The following GTPBP1 variants were observed in gnomAD, a reference collection of about 807,000 sequenced individuals.
The protein encoded by GTPBP1 is GTP-binding protein 1.
In GTPBP1, 23 loss-of-function variants were observed where a neutral mutation model predicts 62.0. The observed-to-expected ratio is 0.37, with a 90% CI of 0.27 to 0.53. The LOEUF is 0.53. Among genes scored for constraint, GTPBP1 ranks in the 20% least tolerant of loss-of-function variants. The pLI, the probability that GTPBP1 is intolerant of heterozygous loss-of-function variation, is 0.89. For missense variants in GTPBP1, 640 were observed against 917.3 expected (o/e 0.70, Z 3.90); for synonymous variants, 344 against 364.4 (o/e 0.94, Z 0.64).
chr22:38,719,626 T>A (rs888927497), intron 4 of GTPBP1, among the ~76,000 whole-genome samples: 1 of 151,036 alleles, frequency 6.6e-6, no homozygotes, highest in African/African-American at 2.4e-5. Flanking sequence ...ATGTTTAGTT[T>A]GGTTTTTTTT....
At chr22:38,710,496 G>C (rs1224842178) in intron 2 of GTPBP1, among the ~76,000 whole-genome samples, 1 of 152,052 alleles carries the variant, frequency 6.6e-6, no homozygotes, top group Non-Finnish European at 1.5e-5. Flanking sequence ...CTAGTTGCGG[G>C]TCTTACCACC....
downstream of GTPBP1, chr22:38,739,472 G>A (rs1200784798): frequency 6.3e-7 from 1 of 1,598,230 alleles, no homozygotes; most frequent in Non-Finnish European, 8.6e-7. This position sits in a 1 kb window ranked among gnomAD's most constrained non-coding sequence, Gnocchi z 6.7. Context: ...GAGCAGACGT[G>A]TCCCCCTGTC....
At chr22:38,720,719 T>C (rs1487015292) in intron 4 of GTPBP1, among the ~76,000 whole-genome samples, 1 of 152,244 alleles carries the variant, frequency 6.6e-6, no homozygotes, top group African/African-American at 2.4e-5. Context: ...TTATTGTTAC[T>C]GGAAGGATAG....
intron 10 of GTPBP1, 22 bp from the exon 11 acceptor site, chr22:38,729,440 C>T (rs2092744303): frequency 1.3e-6 from 2 of 1,565,506 alleles, no homozygotes; most frequent in East Asian, 4.8e-5. Flanking sequence ...CCAGCCTCAG[C>T]CTCTCTCCAT....
intron 1 of GTPBP1, among the ~76,000 whole-genome samples, chr22:38,707,700 T>C (rs1436444682): frequency 6.6e-6 from 1 of 152,214 alleles, no homozygotes; most frequent in African/African-American, 2.4e-5. Context: ...GGTAGTACCT[T>C]CATTTCTTGA....
chr22:38,716,993 T>C lies in GTPBP1; in HGVS notation c.827T>C (p.Met276Thr). The C allele has an allele frequency of 6.2e-7, 1 of 1,603,516 alleles. No individual in the cohort carries two copies. Among genetic ancestry groups the C allele is most frequent in the Admixed American group, 1.7e-5 (1 of 59,914 alleles). Residue 276 changes from methionine (M) to threonine (T), a missense_variant, in exon 4 of 12, where the codon ATG (methionine) becomes ACG (threonine). Met to Thr is a moderately conservative substitution (Grantham distance 81). This residue lies in a region of GTPBP1 where 88 missense variants were observed against 217.0 expected (regional missense o/e 0.41). Transcript: ENST00000216044. The surrounding 1 kb of genome is among the most constrained non-coding windows in gnomAD (Gnocchi z 5.2). ...ACAGGCCATCTGCCTGACTTCTGCA[T>C]GCTCATGGTGAGTGGGAGGCGCCCC... The part of the protein sequence containing the change: ...GMTGHLPDFC[M>T]LMVGSNAGIV...
At chr22:38,709,813 C>G (rs976840246) in intron 2 of GTPBP1, among the ~76,000 whole-genome samples, 2 of 152,202 alleles carry the variant, frequency 1.3e-5, no homozygotes, top group African/African-American at 4.8e-5. Context: ...CCCACTGGAT[C>G]CTGTCAGACA....
chr22:38,716,143 G>A lies in GTPBP1; in HGVS notation c.485+56G>A. The A allele has an allele frequency of 2.8e-6, 4 of 1,405,228 alleles. No homozygotes were observed. The highest frequency in any genetic ancestry group is 1.8e-4 in the Middle Eastern group (1 of 5,448). The allele number at this position is 1,405,228 out of a possible 1,614,324, so 87.0% of individuals were successfully genotyped here. On this transcript the variant is annotated intron_variant, in intron 3 of 11. Transcript: ENST00000216044. This position sits in a 1 kb window ranked among gnomAD's most constrained non-coding sequence, Gnocchi z 5.2. The stretch of plus-strand genomic sequence containing the variant: ...CCATTCTTCACAGAGGTTGGTGACT[G>A]AGCCTGTGGCACTTGGCGTGTCAGC...
chr22:38,706,472 T>G, intron 1 of GTPBP1: 2 of 212,610 alleles, frequency 9.4e-6, no homozygotes, highest in Admixed American at 5.9e-5. Flanking sequence ...GCGCGTTCCC[T>G]GTCCCCGCTC....
chr22:38,733,939 TG>T (rs2092779255), downstream of GTPBP1, among the ~76,000 whole-genome samples: 2 of 152,158 alleles, frequency 1.3e-5, no homozygotes, highest in Admixed American at 1.3e-4. Flanking sequence ...TGTTTATTGG[TG>T]CTGCGTGGGG....
At chr22:38,741,794 G>T (rs1036481208), downstream of GTPBP1, among the ~76,000 whole-genome samples, 1 of 152,188 alleles carries the variant, frequency 6.6e-6, no homozygotes, top group African/African-American at 2.4e-5. Context: ...GCTCACTATG[G>T]GGGTGGGGGA....
chr22:38,725,979 T>C, intron 6 of GTPBP1, 27 bp from the exon 7 acceptor site: 2 of 1,611,396 alleles, frequency 1.2e-6, no homozygotes, highest in Non-Finnish European at 1.7e-6. Flanking sequence ...TCTCTCCTTT[T>C]TTCCTTCCTC....
chr22:38,720,343 C>G (rs781477911), intron 4 of GTPBP1, among the ~76,000 whole-genome samples: 3 of 152,128 alleles, frequency 2.0e-5, no homozygotes, highest in Non-Finnish European at 4.4e-5. Flanking sequence ...CCTCAGCCTC[C>G]TGAGTAGCTG....
At chr22:38,724,195 G>A in intron 5 of GTPBP1, 102 bp from the exon 6 acceptor site, 1 of 712,644 alleles carries the variant, frequency 1.4e-6, no homozygotes, top group Non-Finnish European at 2.6e-6. Flanking sequence ...CTATCTGTCT[G>A]TCTCCTGCTT....
At chr22:38,714,478 C>CAAAAAAA (rs34257833) in intron 2 of GTPBP1, among the ~76,000 whole-genome samples, 558 of 46,284 alleles carry the variant, frequency 0.012, 20 homozygotes, top group African/African-American at 0.037. Flanking sequence ...GACTCCATCT[C>CAAAAAAA]AAAAAAAAAA....
downstream of GTPBP1, chr22:38,741,362 G>A: frequency 3.2e-6 from 3 of 936,866 alleles, no homozygotes; most frequent in South Asian, 1.5e-5. Flanking sequence ...AAACAGAGAA[G>A]TCAGAGGAGG....
At chr22:38,706,616 T>G in intron 1 of GTPBP1, 1 of 156,582 alleles carries the variant, frequency 6.4e-6, no homozygotes, top group African/African-American at 2.4e-5. Context: ...TGAAGACAGG[T>G]AGTCGGAGGC....
intron 4 of GTPBP1, among the ~76,000 whole-genome samples, chr22:38,720,079 C>T (rs2092691852): frequency 1.3e-5 from 2 of 151,936 alleles, no homozygotes. Context: ...CAGGCGCCCG[C>T]CACGATGCCC....
chr22:38,737,862 G>C, downstream of GTPBP1: 1 of 569,560 alleles, frequency 1.8e-6, no homozygotes, highest in South Asian at 1.5e-5. The surrounding 1 kb of genome is among the most constrained non-coding windows in gnomAD (Gnocchi z 4.1). Context: ...ATGTGCTGGC[G>C]GCGGCTCCTC....
Sources: allele counts gnomAD v4.1 joint callset (sites outside exome capture counted in the v4.1 genomes callset), GRCh38; gene constraint gnomAD v4.1.1; regional missense constraint gnomAD v4.1.1; non-coding constraint Gnocchi (gnomAD v3.1); transcripts MANE v1.5; gene names NCBI Gene and HGNC (gene_info 2026-07-23, HGNC 2026-07-21).